ARMC9: variants seen among roughly 807,000 people sequenced by gnomAD.
ARMC9 encodes the protein armadillo repeat containing 9.
Under a neutral mutation model 107.0 loss-of-function variants are expected in ARMC9, and 94 were observed. That is an observed-to-expected ratio of 0.88 (90% CI 0.74 to 1.04). The LOEUF is 1.04. Ranked by LOEUF, ARMC9 falls within the 50% of genes least tolerant of loss-of-function variation. The pLI is 0.00. For missense variants in ARMC9, 942 were observed against 1,030.1 expected (o/e 0.91, Z 1.17); for synonymous variants, 380 against 396.9 (o/e 0.96, Z 0.51).
At chr2:231,302,123 TA>T (rs1181305734) in intron 19 of ARMC9, among the ~76,000 whole-genome samples, 3 of 152,178 alleles carry the variant, frequency 2.0e-5, no homozygotes, top group African/African-American at 7.2e-5. Flanking sequence ...TTGTAGTCAT[TA>T]AATATGTTAT....
chr2:231,324,184 G>A (rs184933298), intron 19 of ARMC9, among the ~76,000 whole-genome samples: 2,243 of 131,644 alleles, frequency 0.017, 26 homozygotes, highest in East Asian at 0.039. Context: ...CTGGAGTGCA[G>A]TGGTGCAATC....
rs1009353540 is a variant in ARMC9, at chr2:231,215,261, A to G, written c.348+260A>G. On this transcript the variant is annotated intron_variant, in intron 4 of 24. Transcript: ENST00000611582. ...CAAGTTTTTGAAACCTCATCAAAAT[A>G]AAGTTTATTTGGCAACTTAGTATGT... is the stretch of plus-strand genomic sequence containing the variant. 7.9e-6 allele frequency: 3 copies of G among 382,020 alleles called. No individual in the cohort carries two copies. In the East Asian group the frequency reaches 1.5e-4, roughly 19 times the overall value. The allele number at this position is 382,020 out of a possible 1,614,324, so 23.7% of individuals were successfully genotyped here. A position where few individuals can be genotyped will look rare whatever the true frequency, so the allele number is the denominator to read the frequency against.
chr2:231,355,691 C>T (rs2045312117), intron 21 of ARMC9, 107 bp from the exon 22 acceptor site: 1 of 1,334,090 alleles, frequency 7.5e-7, no homozygotes. Flanking sequence ...TTTAACAAGA[C>T]TTTGAGGCAC....
intron 23 of ARMC9, among the ~76,000 whole-genome samples, chr2:231,364,327 A>C (rs2045720987): frequency 6.6e-6 from 1 of 152,386 alleles, no homozygotes; most frequent in South Asian, 2.1e-4. Context: ...ACTCAGGCCC[A>C]GGACAGGATC....
At chr2:231,293,953 A>G (rs2041193751) in intron 18 of ARMC9, 1 of 152,230 alleles carries the variant, frequency 6.6e-6, no homozygotes, top group African/African-American at 2.4e-5. Context: ...GGAAATTAAT[A>G]GCAGAGTACA....
intron 12 of ARMC9, 71 bp downstream of exon 12, chr2:231,262,469 A>T (rs1454127006): frequency 3.6e-6 from 5 of 1,379,640 alleles, no homozygotes; most frequent in South Asian, 1.2e-5. Context: ...CAGATGGGGG[A>T]AGCTTATAAT....
intron 19 of ARMC9, among the ~76,000 whole-genome samples, chr2:231,312,517 C>G (rs928352909): frequency 4.6e-5 from 7 of 152,078 alleles, no homozygotes; most frequent in African/African-American, 1.4e-4. Flanking sequence ...GTTAAACAGT[C>G]TGCTACAGGG....
At chr2:231,291,862 C>G (rs1292522289) in intron 18 of ARMC9, among the ~76,000 whole-genome samples, 1 of 150,686 alleles carries the variant, frequency 6.6e-6, no homozygotes, top group African/African-American at 2.4e-5. Flanking sequence ...CCAAGTGAAC[C>G]CATAGACAAA....
At chr2:231,286,315 C>T (rs954632917) in intron 17 of ARMC9, among the ~76,000 whole-genome samples, 1 of 152,130 alleles carries the variant, frequency 6.6e-6, no homozygotes, top group African/African-American at 2.4e-5. Flanking sequence ...GGGGTTTCAC[C>T]GTGTTGGCCA....
chr2:231,253,958 A>C (rs2037524376), intron 9 of ARMC9, among the ~76,000 whole-genome samples: 1 of 152,172 alleles, frequency 6.6e-6, no homozygotes, highest in African/African-American at 2.4e-5. Context: ...GAAGAACAAA[A>C]AGGAGGTGAA....
At chr2:231,301,243 T>TCATA (rs2041708022) in intron 19 of ARMC9, among the ~76,000 whole-genome samples, 1 of 152,272 alleles carries the variant, frequency 6.6e-6, no homozygotes, top group East Asian at 1.9e-4. Context: ...TTGATACTTT[T>TCATA]TAATGCTATG....
chr2:231,324,759 CTAAATAAA>C (rs547555802), intron 19 of ARMC9, among the ~76,000 whole-genome samples: 3 of 151,474 alleles, frequency 2.0e-5, no homozygotes, highest in Non-Finnish European at 4.4e-5. Flanking sequence ...AGATAACTAA[CTAAATAAA>C]TAAATAAATA....
intron 20 of ARMC9, 54 bp downstream of exon 20, chr2:231,331,951 T>G: frequency 1.4e-6 from 2 of 1,441,252 alleles, no homozygotes; most frequent in Non-Finnish European, 1.9e-6. Flanking sequence ...AGATGGACAT[T>G]GATGGATTTC....
chr2:231,211,156 ACACC>A (rs1255084814), intron 3 of ARMC9, among the ~76,000 whole-genome samples: 3 of 150,332 alleles, frequency 2.0e-5, no homozygotes, highest in African/African-American at 5.0e-5. Flanking sequence ...ACACACACAC[ACACC>A]CCCACAGTTT....
intron 5 of ARMC9, among the ~76,000 whole-genome samples, chr2:231,220,389 G>A (rs1574641400): frequency 6.6e-6 from 1 of 151,942 alleles, no homozygotes; most frequent in South Asian, 2.1e-4. Flanking sequence ...CTGAGGTCAG[G>A]AGTTCCAGAC....
intron 19 of ARMC9, among the ~76,000 whole-genome samples, chr2:231,302,991 G>A (rs1483615511): frequency 3.3e-5 from 5 of 152,182 alleles, no homozygotes; most frequent in Admixed American, 6.5e-5. Context: ...GTGACGGAGC[G>A]AGACTCCGTC....
intron 19 of ARMC9, among the ~76,000 whole-genome samples, chr2:231,321,998 C>G (rs765663184): frequency 6.6e-6 from 1 of 152,182 alleles, no homozygotes; most frequent in East Asian, 1.9e-4. Flanking sequence ...AACTGAGCGG[C>G]GAAAGCAAGA....
At chr2:231,282,368 G>C (rs2040281851) in intron 17 of ARMC9, among the ~76,000 whole-genome samples, 2 of 152,228 alleles carry the variant, frequency 1.3e-5, no homozygotes, top group Non-Finnish European at 2.9e-5. Flanking sequence ...GTGTTAGAAA[G>C]TTCCCAGCAG....
intron 19 of ARMC9, among the ~76,000 whole-genome samples, chr2:231,317,895 AT>A (rs952079052): frequency 1.3e-5 from 2 of 151,738 alleles, no homozygotes; most frequent in South Asian, 2.1e-4. Context: ...GATTTTCAGT[AT>A]TTTTTTTAAA....
Sources: allele counts gnomAD v4.1 joint callset (sites outside exome capture counted in the v4.1 genomes callset), GRCh38; gene constraint gnomAD v4.1.1; transcripts MANE v1.5; gene names NCBI Gene and HGNC (gene_info 2026-07-23, HGNC 2026-07-21).